NOP14: variants seen among roughly 807,000 people sequenced by gnomAD.
NOP14 encodes NOP14 nucleolar protein, also known as nucleolar protein 14.
A neutral mutation model predicts 101.6 loss-of-function variants in NOP14; 57 were observed. The ratio of observed to expected loss-of-function variants is 0.56; its 90% confidence interval spans 0.45 to 0.70. NOP14 has a LOEUF of 0.70. Ranked by LOEUF, NOP14 falls within the 30% of genes least tolerant of loss-of-function variation. The pLI, the probability that NOP14 is intolerant of heterozygous loss-of-function variation, is 0.00. For synonymous variants in NOP14, 428 were observed against 424.0 expected, an observed-to-expected ratio of 1.01 and a Z score of -0.12; for missense variants, 1,134 against 1,075.5, an observed-to-expected ratio of 1.05 and a Z score of -0.76.
At chr4:2,945,091 A>T (rs1452582696) in intron 12 of NOP14, 37 bp downstream of exon 12, 1 of 1,441,280 alleles carries the variant, frequency 6.9e-7, no homozygotes. Context: ...CCCGTGGTGC[A>T]GCAGGCCGAC....
chr4:2,955,317 G>A (rs1356159226), intron 3 of NOP14, among the ~76,000 whole-genome samples: 2 of 67,000 alleles, frequency 3.0e-5, no homozygotes, highest in South Asian at 8.0e-4. Context: ...TGCACGCCAC[G>A]GCGCCCCCTC....
chr4:2,939,417 T>C (rs764043021), intron 16 of NOP14, 74 bp from the exon 17 acceptor site: 51 of 1,600,914 alleles, frequency 3.2e-5, no homozygotes, highest in Non-Finnish European at 4.3e-5. Flanking sequence ...CTTGGGAGTG[T>C]GGCTTCACTC....
rs951225134 is a variant in NOP14, at chr4:2,960,721, T to C, written c.195+2404A>G. Among the ~76,000 whole-genome samples, 29 of 131,448 alleles carry C rather than the reference T, an allele frequency of 2.2e-4. 1 individual carries two copies. Among genetic ancestry groups the C allele is most frequent in the African/African-American group, 4.0e-4 (13 of 32,420 alleles). 86.2% of individuals were successfully genotyped at this position (131,448 alleles called of 152,430 possible). A position where few individuals can be genotyped will look rare whatever the true frequency, so the allele number is the denominator to read the frequency against. ...CATTAATATTAATATATTAATATTA[T>C]AATCACATTAATATTAATATATTAA... On this transcript the variant is annotated intron_variant, in intron 1 of 17. Coordinates refer to ENST00000416614, the MANE Select transcript of NOP14 (RefSeq NM_001291978.2).
chr4:2,961,296 AAT>A (rs1163223128), intron 1 of NOP14: 1 of 148,652 alleles, frequency 6.7e-6, no homozygotes. Context: ...TAACTATATT[AAT>A]ATAGTTACTG....
At position 2,938,340 on chromosome 4, in the gene NOP14, G is replaced by A. The variant is rs551069262; in HGVS notation, c.*491C>T. The A allele has an allele frequency of 1.0e-4, 57 of 561,070 alleles. No individual in the cohort carries two copies. In the African/African-American group the frequency reaches 1.1e-3, roughly 11 times the overall value. 34.8% of individuals were successfully genotyped at this position (561,070 alleles called of 1,614,324 possible). ...ATTCGAGACCAGCCTGACCAACATG[G>A]AGAAACCCCGTCTCTACTAAAAATA... is the stretch of plus-strand genomic sequence containing the variant. On this transcript the variant is annotated 3_prime_UTR_variant, in exon 18 of 18. Coordinates refer to ENST00000416614, the MANE Select transcript of NOP14 (RefSeq NM_001291978.2).
intron 15 of NOP14, chr4:2,941,346 A>C: frequency 3.8e-6 from 2 of 525,648 alleles, no homozygotes; most frequent in Non-Finnish European, 3.4e-6. Context: ...GAGGAAGCAC[A>C]CAAGGCGACA....
At chr4:2,950,890 GAGAA>G (rs201543865) in intron 7 of NOP14, 239 of 390,190 alleles carry the variant, frequency 6.1e-4, no homozygotes, top group Non-Finnish European at 9.6e-4. Context: ...GAGAGAGAGT[GAGAA>G]AGAGAGCGTG....
chr4:2,946,655 G>A, intron 10 of NOP14, 108 bp from the exon 11 acceptor site: 2 of 927,058 alleles, frequency 2.2e-6, no homozygotes, highest in East Asian at 2.6e-5. Context: ...GAGCAAGTAA[G>A]AACTGGATGA....
At chr4:2,947,493 C>T in intron 10 of NOP14, 33 bp downstream of exon 10, 2 of 1,435,528 alleles carry the variant, frequency 1.4e-6, no homozygotes, top group Non-Finnish European at 2.0e-6. Context: ...CTGCTTAACC[C>T]CACATCCCAG....
At chr4:2,963,032 G>T (rs902783268) in intron 1 of NOP14, 93 bp downstream of exon 1, 23 of 1,306,730 alleles carry the variant, frequency 1.8e-5, no homozygotes, top group African/African-American at 1.6e-4. Context: ...GCCGCTCAAC[G>T]AGGAAACCGA....
At chr4:2,960,575 G>A (rs1020337757) in intron 1 of NOP14, among the ~76,000 whole-genome samples, 13 of 150,550 alleles carry the variant, frequency 8.6e-5, no homozygotes, top group Admixed American at 2.7e-4. Context: ...CCCTCATAAC[G>A]GTGAGGATTA....
intron 3 of NOP14, 50 bp from the exon 4 acceptor site, chr4:2,954,613 G>C (rs764391661): frequency 8.1e-6 from 13 of 1,598,468 alleles, no homozygotes; most frequent in African/African-American, 1.3e-5. Context: ...CCCTGGCGTG[G>C]GAAGTGTTTC....
rs774293018 is a variant in NOP14 at position 2,950,058 on chromosome 4, C to A, written c.1158G>T (p.Val386=). Residue 386 remains valine, a synonymous_variant, in exon 8 of 18, where the codon GTG becomes GTT. Transcript: ENST00000416614. ...GCTTCTCGTTTTCTTCCTCACTCTC[C>A]ACGTTGGATTCCAGGTCCAAGTGGC... is the stretch of plus-strand genomic sequence containing the variant. ...PDSHLDLESN[V]ESEEENEKPA... The A allele has an allele frequency of 8.7e-6, 14 of 1,614,162 alleles. No homozygotes were observed. The South Asian group carries it at 1.4e-4, about 16-fold the overall frequency.
chr4:2,944,462 A>C (rs1399980257), intron 12 of NOP14, among the ~76,000 whole-genome samples: 6 of 152,172 alleles, frequency 3.9e-5, no homozygotes, highest in Non-Finnish European at 7.4e-5. Flanking sequence ...GCTGGAGTGC[A>C]ATGGCACAAT....
In NOP14 at chr4:2,963,142, C is replaced by G; in HGVS notation, c.178G>C (p.Ala60Pro). The G allele has an allele frequency of 6.4e-7, 1 of 1,564,872 alleles. No individual in the cohort carries two copies. Among genetic ancestry groups the G allele is most frequent in the Non-Finnish European group, 8.6e-7 (1 of 1,158,804 alleles). ...HDVGLPGVSR[A>P]RALRKRTQTL... is the part of the protein sequence containing the mutation. ...CCGCTTACCTTCCTGAGGGCCCGTG[C>G]GCGAGACACCCCGGGCAGTCCCACG... Residue 60 changes from alanine (A) to proline (P), a missense_variant, in exon 1 of 18, where the codon GCA becomes CCA. Coordinates refer to ENST00000416614, the MANE Select transcript of NOP14 (RefSeq NM_001291978.2).
intron 10 of NOP14, 145 bp from the exon 11 acceptor site, chr4:2,946,692 A>G (rs1197700075): frequency 1.3e-5 from 9 of 700,786 alleles, no homozygotes; most frequent in Non-Finnish European, 1.9e-5. Context: ...AGCATTCTTA[A>G]GAGTCTACAC....
chr4:2,959,650 C>G (rs1715597485), intron 1 of NOP14, among the ~76,000 whole-genome samples: 1 of 152,086 alleles, frequency 6.6e-6, no homozygotes, highest in Non-Finnish European at 1.5e-5. Flanking sequence ...TTTCCTGAAC[C>G]AGAGTCTAAA....
intron 7 of NOP14, chr4:2,950,728 A>G (rs1370398853): frequency 5.1e-6 from 1 of 196,760 alleles, no homozygotes; most frequent in African/African-American, 2.3e-5. Flanking sequence ...TGGAAACTCA[A>G]TGACATCACT....
At chr4:2,954,403 C>T in intron 4 of NOP14, 21 bp downstream of exon 4, 1 of 1,612,194 alleles carries the variant, frequency 6.2e-7, no homozygotes, top group Non-Finnish European at 8.5e-7. Context: ...AGAAGATGAT[C>T]AAGAACACTC....
Sources: allele counts gnomAD v4.1 joint callset (sites outside exome capture counted in the v4.1 genomes callset), GRCh38; gene constraint gnomAD v4.1.1; transcripts MANE v1.5; gene names NCBI Gene and HGNC (gene_info 2026-07-23, HGNC 2026-07-21).